TNRC6B: variants seen among roughly 807,000 people sequenced by gnomAD.
TNRC6B encodes the protein trinucleotide repeat containing adaptor 6B, also known as trinucleotide repeat-containing gene 6B protein.
TNRC6B carries 52 observed loss-of-function variants against 203.6 expected under a neutral mutation model. The ratio of observed to expected loss-of-function variants is 0.26; its 90% CI spans 0.20 to 0.32. The LOEUF is 0.32. Ranked by LOEUF, TNRC6B falls within the 10% of genes least tolerant of loss-of-function variation. The pLI is 1.00. For missense variants in TNRC6B, 1,923 were observed against 2,286.2 expected (o/e 0.84, Z 3.24); for synonymous variants, 838 against 845.7 (o/e 0.99, Z 0.16).
intron 11 of TNRC6B, among the ~76,000 whole-genome samples, chr22:40,283,028 T>TTTTA (rs1043937912): frequency 1.2e-4 from 18 of 151,336 alleles, no homozygotes; most frequent in Admixed American, 2.0e-4. Flanking sequence ...ATTTTTTATT[T>TTTTA]TTTATTTATT....
Position 40,144,623 on chromosome 22 carries a change from C to T in TNRC6B, c.46-11492C>T, listed in dbSNP as rs140656628. On this transcript the variant is annotated intron_variant, in intron 3 of 23. Coordinates refer to the TNRC6B transcript ENST00000301923. ...CGAGGAGGCAGAACTTGCAGTGAGCCGAGATTGTGCCACTGTACTCCAGCC... is the reference window on the plus strand; with the variant it reads ...CGAGGAGGCAGAACTTGCAGTGAGCTGAGATTGTGCCACTGTACTCCAGCC... 9.5e-4 allele frequency among the ~76,000 whole-genome samples: 138 copies of T among 145,198 alleles called. 1 individual carries two copies. Among genetic ancestry groups the T allele is most frequent in the African/African-American group, 3.5e-3 (134 of 38,202 alleles).
intron 1 of TNRC6B, among the ~76,000 whole-genome samples, chr22:40,226,354 T>G (rs1050255735): frequency 6.6e-6 from 1 of 152,090 alleles, no homozygotes; most frequent in African/African-American, 2.4e-5. Flanking sequence ...GTGTCACAAA[T>G]AGCACCCTTT....
At chr22:40,081,043 G>C (rs535398046) in intron 1 of TNRC6B, among the ~76,000 whole-genome samples, 1 of 150,098 alleles carries the variant, frequency 6.7e-6, no homozygotes, top group East Asian at 1.9e-4. Flanking sequence ...TTTAGTGTGT[G>C]GGGGGGTGCG....
intron 12 of TNRC6B, among the ~76,000 whole-genome samples, chr22:40,289,215 G>A (rs936072044): frequency 6.6e-6 from 1 of 152,040 alleles, no homozygotes; most frequent in Non-Finnish European, 1.5e-5. Context: ...TCTGGGAGGC[G>A]AGGCTGCAGT....
upstream of TNRC6B, chr22:40,177,777 G>GCATT: frequency 8.3e-7 from 1 of 1,208,316 alleles, no homozygotes; most frequent in Non-Finnish European, 1.1e-6. Context: ...TGAGATAACA[G>GCATT]CATTTCACAA....
At position 40,265,074 on chromosome 22, in the gene TNRC6B, G is replaced by A; in HGVS notation, c.844G>A (p.Gly282Arg). Reference protein sequence around the residue: ...NSTTENNNGLGNWRNVSGQDR... With the variant: ...NSTTENNNGLRNWRNVSGQDR... ...TACTACAGAGAACAACAATGGACTA[G>A]GAAATTGGAGGAATGTGAGTGGTCA... is the stretch of plus-strand genomic sequence containing the variant. Residue 282 changes from glycine to arginine, a missense_variant, in exon 5 of 23, where the codon GGA (glycine) becomes AGA (arginine). Around this residue, in one of 8 missense-constraint regions of TNRC6B, gnomAD observed 614 missense variants for 587.7 expected, o/e 1.04. Transcript: ENST00000454349. The A allele has an allele frequency of 6.2e-7, 1 of 1,614,000 alleles. No homozygotes were observed.
At chr22:40,237,627 C>T (rs2069965479) in intron 1 of TNRC6B, among the ~76,000 whole-genome samples, 1 of 152,108 alleles carries the variant, frequency 6.6e-6, no homozygotes, top group Non-Finnish European at 1.5e-5. Flanking sequence ...TGGGGGTAGC[C>T]ATCTCCCTTC....
chr22:40,203,691 G>A (rs1486400069), intron 1 of TNRC6B, among the ~76,000 whole-genome samples: 1 of 150,694 alleles, frequency 6.6e-6, no homozygotes, highest in African/African-American at 2.4e-5. Flanking sequence ...ACAGAATCGT[G>A]TGGTGAGGCC....
intron 1 of TNRC6B, among the ~76,000 whole-genome samples, chr22:40,225,812 A>G (rs974060475): frequency 1.3e-5 from 2 of 150,668 alleles, no homozygotes; most frequent in Non-Finnish European, 3.0e-5. Context: ...CAGATTGTCT[A>G]TTAAAGATTA....
intron 1 of TNRC6B, among the ~76,000 whole-genome samples, chr22:40,090,542 T>C (rs1223416695): frequency 6.6e-6 from 1 of 152,182 alleles, no homozygotes; most frequent in Admixed American, 6.5e-5. Context: ...GTTGTTTATT[T>C]TTTATTGCTG....
chr22:40,278,298 G>T (rs1218782736), intron 9 of TNRC6B, among the ~76,000 whole-genome samples: 2 of 152,106 alleles, frequency 1.3e-5, no homozygotes, highest in African/African-American at 4.8e-5. Context: ...GGTGGCTCAT[G>T]CCTGTAATCC....
chr22:40,188,218 TAAAAC>T (rs1054254079), intron 1 of TNRC6B, among the ~76,000 whole-genome samples: 9 of 151,888 alleles, frequency 5.9e-5, no homozygotes, highest in South Asian at 2.1e-4. Flanking sequence ...CAAAAAAAAA[TAAAAC>T]AAAATAAAGA....
chr22:40,147,724 A>T (rs141733491), intron 3 of TNRC6B, among the ~76,000 whole-genome samples: 156 of 152,328 alleles, frequency 1.0e-3, no homozygotes, highest in African/African-American at 3.6e-3. Flanking sequence ...GGTTTTCAAC[A>T]CAAATTTTGG....
chr22:40,070,995 C>G (rs552403135), intron 1 of TNRC6B, among the ~76,000 whole-genome samples: 1 of 152,240 alleles, frequency 6.6e-6, no homozygotes, highest in African/African-American at 2.4e-5. Context: ...CCAATGAATT[C>G]CAGAAAAGTT....
intron 4 of TNRC6B, among the ~76,000 whole-genome samples, chr22:40,159,083 C>T (rs2068847230): frequency 1.3e-5 from 2 of 151,692 alleles, no homozygotes; most frequent in African/African-American, 2.4e-5. Context: ...CTGCCTCAGC[C>T]TCCCGAGTAG....
Position 40,273,464 on chromosome 22 carries a change from G to A in TNRC6B, c.3005G>A (p.Gly1002Glu), listed in dbSNP as rs1174631493. The A allele has an allele frequency of 6.2e-7, 1 of 1,610,230 alleles. No individual in the cohort carries two copies. The highest frequency in any genetic ancestry group is 8.5e-7 in the Non-Finnish European group (1 of 1,178,396). Residue 1002 changes from glycine (G) to glutamate (E), a missense_variant, in exon 7 of 23, where the codon GGG (glycine) becomes GAG (glutamate). By Grantham distance (98) the Gly-to-Glu change is moderately conservative (BLOSUM62 -2). Coordinates refer to ENST00000454349, the MANE Select transcript of TNRC6B (RefSeq NM_001162501.2). ...SMQDGWGESD[G>E]PVTGARHPSW... ...CAAGACGGCTGGGGGGAGAGTGACG[G>A]GCCAGTCACAGGAGCTCGCCATCCC...
In TNRC6B at chr22:40,261,868, C is replaced by T. The variant is rs1442442750; in HGVS notation, c.152C>T (p.Thr51Met). 3 of 1,582,440 alleles carry T rather than the reference C, an allele frequency of 1.9e-6. No individual in the cohort carries two copies. The highest frequency in any genetic ancestry group is 2.6e-6 in the Non-Finnish European group (3 of 1,154,484). Residue 51 changes from threonine to methionine, a missense_variant, in exon 4 of 23, where the codon ACG (threonine) becomes ATG (methionine). This residue lies in a region of TNRC6B where 111 missense variants were observed against 155.3 expected (regional missense o/e 0.71). Coordinates refer to ENST00000454349, the MANE Select transcript of TNRC6B (RefSeq NM_001162501.2). The stretch of plus-strand genomic sequence containing the variant: ...ACGAAACCAAGTTTAAGCCAACCAA[C>T]GGCCGCCAGCCCAATTGGCAGCTCT... ...EVTKPSLSQP[T>M]AASPIGSSPS...
chr22:40,210,028 AAAAAG>A, intron 1 of TNRC6B, among the ~76,000 whole-genome samples: 1 of 151,370 alleles, frequency 6.6e-6, no homozygotes, highest in Middle Eastern at 3.4e-3. Flanking sequence ...AAAAAAAAAA[AAAAAG>A]AGAGAATGCA....
At chr22:40,055,639 C>T (rs927981498) in intron 1 of TNRC6B, among the ~76,000 whole-genome samples, 1 of 152,198 alleles carries the variant, frequency 6.6e-6, no homozygotes, top group Non-Finnish European at 1.5e-5. Context: ...CACAACGGCA[C>T]TTGTCACTTC....
Sources: allele counts gnomAD v4.1 joint callset (sites outside exome capture counted in the v4.1 genomes callset), GRCh38; gene constraint gnomAD v4.1.1; regional missense constraint gnomAD v4.1.1; transcripts MANE v1.5; gene names NCBI Gene and HGNC (gene_info 2026-07-23, HGNC 2026-07-21).